The following ARID1B variants were observed in gnomAD, a reference collection of about 807,000 sequenced individuals.
The protein encoded by ARID1B is AT-rich interactive domain-containing protein 1B.
A neutral mutation model predicts 212.3 loss-of-function variants in ARID1B; 30 were observed. The ratio of observed to expected loss-of-function variants is 0.14; its 90% CI spans 0.11 to 0.19. The LOEUF is 0.19. Ranked by LOEUF, ARID1B falls within the 10% of genes least tolerant of loss-of-function variation. ARID1B has a pLI of 1.00. For missense variants in ARID1B, 2,891 were observed against 3,204.0 expected, an observed-to-expected ratio of 0.90 and a Z score of 2.36; for synonymous variants, 1,402 against 1,301.7, an observed-to-expected ratio of 1.08 and a Z score of -1.66.
chr6:157,131,350 GA>G (rs1010069687), intron 6 of ARID1B, among the ~76,000 whole-genome samples: 1 of 152,176 alleles, frequency 6.6e-6, no homozygotes, highest in African/African-American at 2.4e-5. Context: ...CAGTGATTAT[GA>G]AAAGTGCTAT....
At chr6:156,880,638 C>T (rs1318754073) in intron 2 of ARID1B, among the ~76,000 whole-genome samples, 1 of 147,852 alleles carries the variant, frequency 6.8e-6, no homozygotes, top group African/African-American at 2.5e-5. Context: ...ACTTGGGAGG[C>T]TGAGGCAAGA....
intron 5 of ARID1B, among the ~76,000 whole-genome samples, chr6:157,097,579 GC>G (rs1229025040): frequency 1.3e-5 from 2 of 152,210 alleles, no homozygotes; most frequent in Non-Finnish European, 2.9e-5. Flanking sequence ...ATGTTTACAG[GC>G]AGAGTTGTCA....
intron 7 of ARID1B, among the ~76,000 whole-genome samples, chr6:157,139,118 AAG>A (rs1180726440): frequency 2.6e-5 from 4 of 152,224 alleles, no homozygotes; most frequent in Non-Finnish European, 5.9e-5. Flanking sequence ...AAAATGAAAA[AAG>A]AAAAAAATCA....
intron 2 of ARID1B, among the ~76,000 whole-genome samples, chr6:156,885,179 T>C (rs906522775): frequency 1.3e-5 from 2 of 152,090 alleles, no homozygotes; most frequent in South Asian, 4.1e-4. Context: ...GTTATCCTTA[T>C]ATGTCACTGG....
intron 3 of ARID1B, among the ~76,000 whole-genome samples, chr6:156,929,453 C>T (rs1791518350): frequency 6.6e-6 from 1 of 152,312 alleles, no homozygotes; most frequent in East Asian, 1.9e-4. Flanking sequence ...TCGCAGCCAC[C>T]TCTCCCCCAC....
At chr6:157,110,833 C>G (rs1786855366) in intron 6 of ARID1B, 1 of 503,024 alleles carries the variant, frequency 2.0e-6, no homozygotes, top group East Asian at 3.3e-5. Context: ...TCACATATGA[C>G]TGTAGTCTGG....
chr6:157,155,382 C>T (rs764084033), intron 8 of ARID1B, among the ~76,000 whole-genome samples: 1 of 151,824 alleles, frequency 6.6e-6, no homozygotes, highest in Non-Finnish European at 1.5e-5. Flanking sequence ...CTACATGATG[C>T]TGGTATAAGC....
At chr6:156,894,387 A>T (rs959007019) in intron 2 of ARID1B, among the ~76,000 whole-genome samples, 32 of 151,996 alleles carry the variant, frequency 2.1e-4, no homozygotes, top group East Asian at 7.7e-4. Flanking sequence ...AAATCCTATA[A>T]AAGGATGGTG....
At chr6:156,944,279 T>C (rs1792894694) in intron 4 of ARID1B, among the ~76,000 whole-genome samples, 1 of 152,186 alleles carries the variant, frequency 6.6e-6, no homozygotes. Context: ...CATTCTCCGA[T>C]GCCATTTGCT....
intron 15 of ARID1B, chr6:157,195,268 G>GCT (rs1347913029): frequency 6.6e-6 from 1 of 152,210 alleles, no homozygotes; most frequent in Non-Finnish European, 1.5e-5. Flanking sequence ...CTCTTTGAAG[G>GCT]CTCAGGGTCC....
chr6:157,098,679 G>A (rs1005385377), intron 5 of ARID1B, among the ~76,000 whole-genome samples: 1 of 152,202 alleles, frequency 6.6e-6, no homozygotes, highest in African/African-American at 2.4e-5. Flanking sequence ...GTTAACTAAA[G>A]TTGAGAAGCT....
intron 4 of ARID1B, among the ~76,000 whole-genome samples, chr6:157,041,568 T>G (rs1781878988): frequency 6.6e-6 from 1 of 152,160 alleles, no homozygotes; most frequent in Non-Finnish European, 1.5e-5. Context: ...GGTGGCTAAG[T>G]CCAGAATTAG....
intron 4 of ARID1B, among the ~76,000 whole-genome samples, chr6:157,011,660 T>G (rs1185926395): frequency 6.6e-6 from 1 of 152,380 alleles, no homozygotes; most frequent in African/African-American, 2.4e-5. Flanking sequence ...AGTTGCATTT[T>G]ATTTATTTTT....
intron 1 of ARID1B, among the ~76,000 whole-genome samples, chr6:156,795,280 G>T (rs774953869): frequency 6.6e-6 from 1 of 152,102 alleles, no homozygotes; most frequent in East Asian, 1.9e-4. Context: ...TCTCAGATTC[G>T]CTGGGGTTTA....
At chr6:156,897,252 C>CTTATTATTATTATTA (rs1351964431) in intron 2 of ARID1B, among the ~76,000 whole-genome samples, 21 of 96,812 alleles carry the variant, frequency 2.2e-4, no homozygotes, top group Middle Eastern at 5.1e-3. Flanking sequence ...TCTTCTTCTT[C>CTTATTATTATTATTA]TTCTTCTTCT....
In ARID1B at chr6:157,084,688, C is replaced by G. The variant is rs1171311593; in HGVS notation, c.2274C>G (p.Leu758=). ...ATCTGTCTGGCTCCATTGATGACCT[C>G]CCCACGGGAACGGAAGCAACTTTGA... ...LPDLSGSIDD[L]PTGTEATLSS... Residue 758 remains leucine (L), a synonymous_variant, in exon 5 of 20, where the codon CTC becomes CTG. Coordinates refer to ENST00000636930, the MANE Select transcript of ARID1B (RefSeq NM_001374828.1). 2.5e-6 allele frequency: 4 copies of G among 1,614,054 alleles called. No individual in the cohort carries two copies. In the African/African-American group the frequency reaches 5.3e-5, roughly 22 times the overall value.
intron 17 of ARID1B, among the ~76,000 whole-genome samples, chr6:157,199,353 T>C (rs1004770596): frequency 3.3e-5 from 5 of 152,082 alleles, no homozygotes; most frequent in African/African-American, 1.2e-4. Context: ...GATAAGATGC[T>C]AATGATACTT....
chr6:156,827,696 A>C (rs1432892651), intron 1 of ARID1B, among the ~76,000 whole-genome samples: 2 of 146,694 alleles, frequency 1.4e-5, no homozygotes, highest in African/African-American at 2.5e-5. Context: ...GCCCTGTGGT[A>C]CTGTACATGC....
intron 2 of ARID1B, among the ~76,000 whole-genome samples, chr6:156,850,060 A>T (rs1406342430): frequency 6.7e-6 from 1 of 149,244 alleles, no homozygotes; most frequent in Non-Finnish European, 1.5e-5. Flanking sequence ...TAGTTACTAG[A>T]TGCAGGCCCG....
Sources: allele counts gnomAD v4.1 joint callset (sites outside exome capture counted in the v4.1 genomes callset), GRCh38; gene constraint gnomAD v4.1.1; transcripts MANE v1.5; gene names NCBI Gene and HGNC (gene_info 2026-07-23, HGNC 2026-07-21).